POLE: variants seen among roughly 807,000 people sequenced by gnomAD.
POLE encodes the protein DNA polymerase epsilon catalytic subunit A.
POLE carries 188 observed loss-of-function variants against 279.2 expected under a neutral mutation model. The ratio of observed to expected loss-of-function variants is 0.67; its 90% CI spans 0.60 to 0.76. The LOEUF (loss-of-function observed/expected upper bound fraction) is 0.76, where lower values mean the gene tolerates loss of function less well. Among genes scored for constraint, POLE ranks in the 30% least tolerant of loss-of-function variants. The pLI is 0.00. For synonymous variants in POLE, 1,214 were observed against 1,172.5 expected (o/e 1.04, Z -0.72); for missense variants, 2,703 against 3,016.7 (o/e 0.90, Z 2.44).
At chr12:132,633,396 C>G (rs2041973395) in intron 43 of POLE, 1 of 152,384 alleles carries the variant, frequency 6.6e-6, no homozygotes, top group Non-Finnish European at 1.5e-5. Flanking sequence ...CTCTTGACCT[C>G]ACGTGATCCA....
At chr12:132,654,317 C>T (rs2042487293) in intron 29 of POLE, among the ~76,000 whole-genome samples, 2 of 152,044 alleles carry the variant, frequency 1.3e-5, no homozygotes, top group Non-Finnish European at 2.9e-5. Context: ...AAGCTATCCT[C>T]CCGCCTCTGC....
Position 132,681,298 on chromosome 12 carries a change from C to A in POLE, c.63-19G>T. The A allele has an allele frequency of 1.9e-6, 3 of 1,606,310 alleles. No individual in the cohort carries two copies. The highest frequency in any genetic ancestry group is 2.5e-6 in the Non-Finnish European group (3 of 1,177,048). ...ATCATCCCTGAGTGAAAGAAGGGAA[C>A]CCCGTGCTTAATTTGTAATGCCACC... On this transcript the variant is annotated intron_variant, in intron 1 of 48. Coordinates refer to ENST00000320574, the MANE Select transcript of POLE (RefSeq NM_006231.4).
chr12:132,673,557 G>A lies in POLE; in HGVS notation c.1359+18C>T, dbSNP rs5744775. 1,273 of 1,599,988 alleles carry A rather than the reference G, an allele frequency of 8.0e-4. 3 individuals carry two copies. In the African/African-American group the frequency reaches 0.014, roughly 17 times the overall value. ...CGTGCACACGGCAGCAGGGGCAGCC[G>A]GGATGTGGCTTACGTGCCTGGGGCT... is the stretch of plus-strand genomic sequence containing the variant. On this transcript the variant is annotated intron_variant, in intron 13 of 48. Transcript: ENST00000320574.
Position 132,642,166 on chromosome 12 carries a change from C to A in POLE, c.5173+11G>T. On this transcript the variant is annotated intron_variant, in intron 38 of 48. Coordinates refer to ENST00000320574, the MANE Select transcript of POLE (RefSeq NM_006231.4). ...CCAGGTCTCATGGGCCTCGTCCTCC[C>A]GCCCACTTACCTGTGGAGTAACAGC... 6.5e-7 allele frequency: 1 copy of A among 1,531,798 alleles called. No homozygotes were observed. The highest frequency in any genetic ancestry group is 2.3e-5 in the East Asian group (1 of 44,146). 94.9% of individuals were successfully genotyped at this position (1,531,798 alleles called of 1,614,324 possible). A position where few individuals can be genotyped will look rare whatever the true frequency, so the allele number is the denominator to read the frequency against.
intron 25 of POLE, 31 bp from the exon 26 acceptor site, chr12:132,659,540 G>A (rs1382632960): frequency 6.3e-7 from 1 of 1,579,568 alleles, no homozygotes; most frequent in Non-Finnish European, 8.7e-7. Context: ...AAACACTGCA[G>A]AAATCAAGGG....
intron 47 of POLE, chr12:132,625,405 G>C: frequency 1.3e-6 from 1 of 752,412 alleles, no homozygotes; most frequent in South Asian, 1.4e-5. Flanking sequence ...ACTTGGGAGT[G>C]TCTGCCTCCT....
intron 41 of POLE, 126 bp downstream of exon 41, chr12:132,637,888 C>G (rs1230173746): frequency 9.5e-7 from 1 of 1,049,616 alleles, no homozygotes; most frequent in African/African-American, 1.6e-5. Flanking sequence ...TCAGATTCAC[C>G]ATGGTGAGTC....
At chr12:132,659,245 G>C (rs5744861) in intron 26 of POLE, 50 bp downstream of exon 26, 5 of 1,563,606 alleles carry the variant, frequency 3.2e-6, no homozygotes, top group Non-Finnish European at 4.4e-6. Flanking sequence ...GCCCTCACCT[G>C]TCCGTGATGG....
intron 21 of POLE, 128 bp downstream of exon 21, chr12:132,665,174 T>G (rs1181121038): frequency 2.7e-4 from 244 of 892,574 alleles, no homozygotes; most frequent in East Asian, 4.5e-4. Context: ...GCCCAAAGCC[T>G]TCTCCCTCCA....
chr12:132,670,577 G>A (rs1007628671), intron 16 of POLE, among the ~76,000 whole-genome samples: 4 of 150,548 alleles, frequency 2.7e-5, no homozygotes, highest in African/African-American at 7.3e-5. Flanking sequence ...TGCAAGCTCC[G>A]CCTCCCGGGT....
intron 40 of POLE, chr12:132,638,903 C>A (rs1372701822): frequency 5.3e-6 from 3 of 564,374 alleles, no homozygotes; most frequent in Non-Finnish European, 6.4e-6. Flanking sequence ...AGGAAAGGGG[C>A]AGGAGAGGAG....
intron 32 of POLE, chr12:132,648,698 T>G: frequency 2.2e-6 from 1 of 463,170 alleles, no homozygotes; most frequent in Non-Finnish European, 3.8e-6. Flanking sequence ...CCCCGCAACA[T>G]GGACCTCGCG....
intron 31 of POLE, 102 bp downstream of exon 31, chr12:132,649,204 C>T: frequency 6.7e-7 from 1 of 1,493,488 alleles, no homozygotes; most frequent in Non-Finnish European, 9.2e-7. Flanking sequence ...AAACTCCAGG[C>T]CCACTCTAAC....
Position 132,639,251 on chromosome 12 carries a change from T to G in POLE, c.5426A>C (p.Tyr1809Ser), listed in dbSNP as rs2138510675. Residue 1809 changes from tyrosine (Y) to serine (S), a missense_variant, in exon 40 of 49, where the codon TAC (tyrosine) becomes TCC (serine). By Grantham distance (144) the Tyr-to-Ser change is moderately radical. Coordinates refer to ENST00000320574, the MANE Select transcript of POLE (RefSeq NM_006231.4). This position sits in a 1 kb window ranked among gnomAD's most constrained non-coding sequence, Gnocchi z 4.7. ...CTGGTTGTCTGCATAGATGTTGTGG[T>G]ACTGGGTGATCTCCTTCACCCAGCC... Reference protein sequence around the residue: ...VVGWVKEITQYHNIYADNQVM... With the variant: ...VVGWVKEITQSHNIYADNQVM... The G allele has an allele frequency of 6.2e-7, 1 of 1,614,078 alleles. No homozygotes were observed. Among genetic ancestry groups the G allele is most frequent in the Non-Finnish European group, 8.5e-7 (1 of 1,179,966 alleles).
Position 132,672,665 on chromosome 12 carries a change from C to G in POLE, c.1648G>C (p.Gly550Arg), listed in dbSNP as rs1385107035. ...VGGHVEALES[G>R]VFRSDIPCRF... is the part of the protein sequence containing the mutation. ...CAAGGGATATCGCTGCGGAAAACCC[C>G]AGACTCGAGGGCCTCCACGTGGCCC... Residue 550 changes from glycine (G) to arginine (R), a missense_variant, in exon 15 of 49, where the codon GGG becomes CGG. By Grantham distance (125) the Gly-to-Arg change is moderately radical. Coordinates refer to ENST00000320574, the MANE Select transcript of POLE (RefSeq NM_006231.4). 6.2e-7 allele frequency: 1 copy of G among 1,614,158 alleles called. No homozygotes were observed. The highest frequency in any genetic ancestry group is 1.7e-5 in the Admixed American group (1 of 60,030).
At chr12:132,673,109 G>T in intron 14 of POLE, 55 bp downstream of exon 14, 2 of 1,163,740 alleles carry the variant, frequency 1.7e-6, no homozygotes, top group Non-Finnish European at 2.6e-6. Flanking sequence ...CAGTGCATTT[G>T]GAATGGGGCA....
At position 132,657,440 on chromosome 12, in the gene POLE, AG is replaced by A. The variant is rs1435313532; in HGVS notation, c.3379-12del. 3 of 1,613,460 alleles carry A rather than the reference AG, an allele frequency of 1.9e-6. No homozygotes were observed. The South Asian group carries it at 3.3e-5, about 18-fold the overall frequency. ...GTCCCAATCCAGAATCTGCATGTGC[AG>A]GAAACGGGCACAGAGAACAGCAGGT... On this transcript the variant is annotated splice_polypyrimidine_tract_variant and intron_variant, in intron 27 of 48. Coordinates refer to ENST00000320574, the MANE Select transcript of POLE (RefSeq NM_006231.4).
chr12:132,649,618 G>A, intron 30 of POLE, 59 bp downstream of exon 30: 1 of 1,604,158 alleles, frequency 6.2e-7, no homozygotes, highest in African/African-American at 1.3e-5. Context: ...ACGCATCTCG[G>A]GCTCCCTGGG....
chr12:132,679,275 A>C (rs1388889056), intron 6 of POLE, among the ~76,000 whole-genome samples: 1 of 152,174 alleles, frequency 6.6e-6, no homozygotes, highest in Non-Finnish European at 1.5e-5. Flanking sequence ...TAGAGCCATA[A>C]ACCCACCCCT....
Sources: allele counts gnomAD v4.1 joint callset (sites outside exome capture counted in the v4.1 genomes callset), GRCh38; gene constraint gnomAD v4.1.1; non-coding constraint Gnocchi (gnomAD v3.1); transcripts MANE v1.5; gene names NCBI Gene and HGNC (gene_info 2026-07-23, HGNC 2026-07-21).